The following CHRM3 variants were observed in gnomAD, a reference collection of about 807,000 sequenced individuals.
The protein encoded by CHRM3 is muscarinic acetylcholine receptor M3.
CHRM3 carries 11 observed loss-of-function variants against 41.8 expected under a neutral mutation model. The ratio of observed to expected loss-of-function variants is 0.26; its 90% confidence interval spans 0.17 to 0.44. The LOEUF is 0.44. Among genes scored for constraint, CHRM3 ranks in the 20% least tolerant of loss-of-function variants. The probability of loss-of-function intolerance (pLI) is 1.00; values close to 1 mark genes in which losing one functional copy is unlikely to be tolerated. For missense variants in CHRM3, 571 were observed against 745.4 expected (o/e 0.77, Z 2.72); for synonymous variants, 297 against 301.4 (o/e 0.99, Z 0.15).
intron 5 of CHRM3, among the ~76,000 whole-genome samples, chr1:239,731,005 A>G (rs1558493957): frequency 6.6e-6 from 1 of 151,932 alleles, no homozygotes; most frequent in Non-Finnish European, 1.5e-5. Context: ...AATGCAAAGG[A>G]TGAAGGAGAA....
intron 5 of CHRM3, among the ~76,000 whole-genome samples, chr1:239,785,736 T>A (rs1668839645): frequency 6.6e-6 from 1 of 152,224 alleles, no homozygotes; most frequent in Admixed American, 6.5e-5. Flanking sequence ...AAGGGTTAGT[T>A]TCTTCGTGGA....
At chr1:239,765,333 C>T (rs1373940299) in intron 5 of CHRM3, among the ~76,000 whole-genome samples, 3 of 152,158 alleles carry the variant, frequency 2.0e-5, no homozygotes, top group Non-Finnish European at 4.4e-5. Flanking sequence ...GGCCATTGGT[C>T]CTGGTGCCTT....
intron 4 of CHRM3, among the ~76,000 whole-genome samples, chr1:239,639,547 T>C (rs1020901712): frequency 6.6e-6 from 1 of 152,106 alleles, no homozygotes; most frequent in African/African-American, 2.4e-5. Context: ...AGTTCACTCA[T>C]GATTTGGCTC....
chr1:239,757,046 A>G (rs1342214526), intron 5 of CHRM3, among the ~76,000 whole-genome samples: 2 of 152,154 alleles, frequency 1.3e-5, no homozygotes, highest in Admixed American at 1.3e-4. Context: ...TGTAGCCTCA[A>G]ATTTTTCACT....
chr1:239,548,357 C>A (rs948346265), intron 3 of CHRM3, among the ~76,000 whole-genome samples: 9 of 152,216 alleles, frequency 5.9e-5, no homozygotes, highest in African/African-American at 2.2e-4. Context: ...TCCCTCACTT[C>A]TTCCTTATAA....
intron 4 of CHRM3, among the ~76,000 whole-genome samples, chr1:239,638,687 C>A (rs979048530): frequency 3.3e-5 from 5 of 152,136 alleles, no homozygotes; most frequent in South Asian, 2.1e-4. Flanking sequence ...GAGTAGGTTG[C>A]GAAAATTTTC....
At chr1:239,795,405 G>A (rs1669687963) in intron 5 of CHRM3, among the ~76,000 whole-genome samples, 1 of 152,178 alleles carries the variant, frequency 6.6e-6, no homozygotes, top group African/African-American at 2.4e-5. Context: ...TGCATTGAGA[G>A]TGACTTGGAC....
At chr1:239,778,954 T>C (rs1330338545) in intron 5 of CHRM3, among the ~76,000 whole-genome samples, 3 of 152,194 alleles carry the variant, frequency 2.0e-5, no homozygotes, top group African/African-American at 4.8e-5. Flanking sequence ...ATTTCCATTA[T>C]TCTTCCTTCA....
chr1:239,404,621 T>C (rs1003466279), intron 1 of CHRM3, among the ~76,000 whole-genome samples: 22 of 149,828 alleles, frequency 1.5e-4, no homozygotes, highest in Non-Finnish European at 5.9e-5. Flanking sequence ...TGGAGTGCTC[T>C]TTCCCACTGA....
intron 3 of CHRM3, among the ~76,000 whole-genome samples, chr1:239,567,793 G>C (rs72756763): frequency 0.034 from 5,141 of 152,198 alleles, 107 homozygotes; most frequent in Middle Eastern, 0.058. Flanking sequence ...CCTGCACTTG[G>C]CTGGTTTGTG....
chr1:239,607,093 G>A (rs1206297546), intron 3 of CHRM3, among the ~76,000 whole-genome samples: 1 of 151,914 alleles, frequency 6.6e-6, no homozygotes, highest in Admixed American at 6.6e-5. Flanking sequence ...TTTTTTGTTT[G>A]TTTTTTGTTT....
chr1:239,717,177 T>C (rs1662465970), intron 5 of CHRM3, among the ~76,000 whole-genome samples: 1 of 152,070 alleles, frequency 6.6e-6, no homozygotes, highest in Admixed American at 6.6e-5. Flanking sequence ...CTGCAAAAGA[T>C]TGAGATCCTG....
chr1:239,868,398 C>A (rs180955582), intron 6 of CHRM3, among the ~76,000 whole-genome samples: 3 of 152,352 alleles, frequency 2.0e-5, no homozygotes, highest in Admixed American at 2.0e-4. Flanking sequence ...GGTCCTTTTC[C>A]CGTGGTTCTC....
intron 1 of CHRM3, among the ~76,000 whole-genome samples, chr1:239,459,280 A>C (rs1442405711): frequency 6.6e-6 from 1 of 152,162 alleles, no homozygotes; most frequent in African/African-American, 2.4e-5. Flanking sequence ...GAAAAAAAAC[A>C]TGTAAAAATC....
intron 1 of CHRM3, among the ~76,000 whole-genome samples, chr1:239,447,953 C>T (rs951426710): frequency 1.3e-5 from 2 of 152,282 alleles, no homozygotes; most frequent in African/African-American, 2.4e-5. Context: ...ATCCCAGCCA[C>T]GTTGCTGAGA....
At chr1:239,584,545 A>G (rs548842867) in intron 3 of CHRM3, among the ~76,000 whole-genome samples, 2 of 152,332 alleles carry the variant, frequency 1.3e-5, no homozygotes, top group South Asian at 4.1e-4. Flanking sequence ...TAAGTAGTGT[A>G]TTGAAGAACA....
Position 239,843,986 on chromosome 1 carries a change from GTTTGT to G in CHRM3, c.-20+16618_-20+16622del, listed in dbSNP as rs1214493849. Among the ~76,000 whole-genome samples the G allele has an allele frequency of 2.6e-5, 4 of 152,014 alleles. No individual in the cohort carries two copies. The East Asian group carries it at 7.7e-4, about 29-fold the overall frequency. ...TGCATACACACACGTTATATATACA[GTTTGT>G]TTTGTTTTGAAATATGTATACATTG... On this transcript the variant is annotated intron_variant, in intron 6 of 6. Coordinates refer to ENST00000676153, the MANE Select transcript of CHRM3 (RefSeq NM_001375978.1).
chr1:239,428,646 A>T (rs537971368), intron 1 of CHRM3, among the ~76,000 whole-genome samples: 1 of 152,336 alleles, frequency 6.6e-6, no homozygotes, highest in Admixed American at 6.5e-5. Context: ...ACTGTTTGAC[A>T]CCTTACCAAA....
intron 4 of CHRM3, among the ~76,000 whole-genome samples, chr1:239,653,329 A>T (rs1672410361): frequency 6.6e-6 from 1 of 152,178 alleles, no homozygotes; most frequent in African/African-American, 2.4e-5. Flanking sequence ...GTTTGATCAG[A>T]CACAGAAGGG....
Sources: gnomAD v4.1 joint callset for allele counts (sites outside exome capture counted in the v4.1 genomes callset) on GRCh38, gnomAD v4.1.1 for gene constraint, MANE v1.5 for transcripts, NCBI Gene and HGNC (gene_info 2026-07-23, HGNC 2026-07-21) for gene names.